NTM: variants seen among roughly 807,000 people sequenced by gnomAD.
The protein encoded by NTM is IgLON family member 2.
NTM carries 13 observed loss-of-function variants against 42.1 expected under a neutral mutation model. The ratio of observed to expected loss-of-function variants is 0.31; its 90% CI spans 0.20 to 0.49. The LOEUF (loss-of-function observed/expected upper bound fraction) is 0.49. NTM is among the 20% of genes least tolerant of loss of function. The pLI is 0.99. For missense variants in NTM, 373 were observed against 452.8 expected (o/e 0.82, Z 1.60); for synonymous variants, 187 against 179.2 (o/e 1.04, Z -0.35).
intron 1 of NTM, among the ~76,000 whole-genome samples, chr11:131,892,676 C>A (rs1228095666): frequency 1.3e-5 from 2 of 152,230 alleles, no homozygotes; most frequent in Non-Finnish European, 2.9e-5. Context: ...GACGCTGCTG[C>A]CTCCAAGCTC....
chr11:131,824,009 T>C (rs2093294818), intron 1 of NTM, among the ~76,000 whole-genome samples: 1 of 152,182 alleles, frequency 6.6e-6, no homozygotes, highest in South Asian at 2.1e-4. Context: ...TCCCCTGGGT[T>C]ACAAACATCT....
intron 1 of NTM, among the ~76,000 whole-genome samples, chr11:131,430,036 T>C (rs1462663037): frequency 1.3e-5 from 2 of 152,192 alleles, no homozygotes; most frequent in Non-Finnish European, 2.9e-5. Context: ...CCAAAGCTAT[T>C]TGCTGGCCTT....
chr11:131,661,460 G>GC (rs1178778904), intron 1 of NTM, among the ~76,000 whole-genome samples: 6 of 152,196 alleles, frequency 3.9e-5, no homozygotes, highest in African/African-American at 1.4e-4. Context: ...CAGAAAGGAG[G>GC]TTTGTGGGAA....
chr11:131,935,673 G>A (rs899790403), intron 2 of NTM, among the ~76,000 whole-genome samples: 2 of 152,148 alleles, frequency 1.3e-5, no homozygotes, highest in African/African-American at 2.4e-5. Context: ...CTTACTGCAA[G>A]GGCCAGGTAC....
At chr11:131,470,484 T>C (rs2136173711) in intron 1 of NTM, among the ~76,000 whole-genome samples, 1 of 152,330 alleles carries the variant, frequency 6.6e-6, no homozygotes, top group South Asian at 2.1e-4. Context: ...TAATCTTGTC[T>C]CCTCTAGACC....
At position 132,209,395 on chromosome 11, in the gene NTM, GTGTGTA is replaced by G. The variant is rs560328993; in HGVS notation, c.401-2615_401-2610del. On this transcript the variant is annotated intron_variant, in intron 3 of 8. Transcript: ENST00000683400. ...CAAATGCTTATGGGAGTGCAATTGAGTGTGTATGTGTATGTGTGTGTGTGTGCATGC... is the reference window on the plus strand; with the variant it reads ...CAAATGCTTATGGGAGTGCAATTGAGTGTGTATGTGTGTGTGTGTGCATGC... 2.5e-3 allele frequency among the ~76,000 whole-genome samples: 377 copies of G among 152,190 alleles called. 3 individuals carry two copies. The highest frequency in any genetic ancestry group is 8.6e-3 in the African/African-American group (355 of 41,514).
At chr11:132,071,395 T>C (rs1455871280) in intron 2 of NTM, among the ~76,000 whole-genome samples, 1 of 151,920 alleles carries the variant, frequency 6.6e-6, no homozygotes, top group Non-Finnish European at 1.5e-5. Flanking sequence ...AGTTAACACG[T>C]CACACAGCCA....
chr11:131,830,545 T>A (rs1394931515), intron 1 of NTM, among the ~76,000 whole-genome samples: 1 of 150,788 alleles, frequency 6.6e-6, no homozygotes, highest in Non-Finnish European at 1.5e-5. Context: ...TTTGTACCAG[T>A]GCCATGCTGT....
At position 132,221,765 on chromosome 11, in the gene NTM, T is replaced by G. The variant is rs572136961; in HGVS notation, c.526+9618T>G. Reference sequence around the variant, plus strand: ...TACTTAATTCTCATGGAGGTCCTAATAAGTAGGCATTATTTTTATTTTAGA... The same window carrying G: ...TACTTAATTCTCATGGAGGTCCTAAGAAGTAGGCATTATTTTTATTTTAGA... On this transcript the variant is annotated intron_variant, in intron 4 of 8. Transcript: ENST00000683400. Among the ~76,000 whole-genome samples the G allele has an allele frequency of 1.2e-4, 18 of 152,320 alleles. 1 individual carries two copies. In the South Asian group the frequency reaches 3.7e-3, roughly 32 times the overall value.
intron 1 of NTM, among the ~76,000 whole-genome samples, chr11:131,492,466 T>G (rs527635812): frequency 6.6e-6 from 1 of 152,278 alleles, no homozygotes; most frequent in South Asian, 2.1e-4. Flanking sequence ...AAAAAGGCAT[T>G]GTTATTATCC....
rs1275182372 is a variant in NTM at position 131,831,226 on chromosome 11, C to T, written c.83-80338C>T. Among the ~76,000 whole-genome samples, 4 of 152,052 alleles carry T rather than the reference C, an allele frequency of 2.6e-5. No individual in the cohort carries two copies. The East Asian group carries it at 7.7e-4, about 29-fold the overall frequency. ...TCACTTTTAAAATTAATAATAGTAG[C>T]TTCCTAAACATTGGAAGGCTCCTTT... On this transcript the variant is annotated intron_variant, in intron 1 of 8. Transcript: ENST00000683400.
intron 1 of NTM, among the ~76,000 whole-genome samples, chr11:131,749,650 G>A (rs1168631063): frequency 6.6e-6 from 1 of 152,154 alleles, no homozygotes; most frequent in Non-Finnish European, 1.5e-5. Flanking sequence ...CCAGGCTGGA[G>A]TGCAATGGCA....
chr11:132,169,320 C>CTTTTTT (rs567723794), intron 3 of NTM, among the ~76,000 whole-genome samples: 4,996 of 32,462 alleles, frequency 0.15, 1,796 homozygotes, highest in Middle Eastern at 0.25. Context: ...AATTTTTTTA[C>CTTTTTT]TTTTTTTTTT....
chr11:131,788,616 A>G (rs2136078323), intron 1 of NTM, among the ~76,000 whole-genome samples: 1 of 152,268 alleles, frequency 6.6e-6, no homozygotes, highest in East Asian at 1.9e-4. Context: ...CTTCCTCACC[A>G]AGACTGACTT....
intron 1 of NTM, among the ~76,000 whole-genome samples, chr11:131,623,717 G>A (rs2137682970): frequency 6.6e-6 from 1 of 152,330 alleles, no homozygotes; most frequent in East Asian, 1.9e-4. Flanking sequence ...GTCCCCCTCT[G>A]GGCCAGGCCC....
At position 131,665,654 on chromosome 11, in the gene NTM, C is replaced by A. The variant is rs1250063101; in HGVS notation, c.83-245910C>A. Among the ~76,000 whole-genome samples, 3 of 152,330 alleles carry A rather than the reference C, an allele frequency of 2.0e-5. No homozygotes were observed. In the East Asian group the frequency reaches 5.8e-4, roughly 29 times the overall value. On this transcript the variant is annotated intron_variant, in intron 1 of 8. Coordinates refer to ENST00000683400, the MANE Select transcript of NTM (RefSeq NM_001352005.2). ...CTGCAGAGTGTGAGGAAATAAATTT[C>A]TGTTGTCTAAGCTACCCAGTCTATG...
At chr11:131,968,538 C>G (rs1372807486) in intron 2 of NTM, among the ~76,000 whole-genome samples, 1 of 152,118 alleles carries the variant, frequency 6.6e-6, no homozygotes, top group Admixed American at 6.6e-5. Flanking sequence ...CAAAGGGATG[C>G]CCATTTCTGT....
rs114302347 is a variant in NTM, at chr11:132,259,842, C to A, written c.526+47695C>A. On this transcript the variant is annotated intron_variant, in intron 4 of 8. Transcript: ENST00000683400. ...TTGGCTCACTGCAAACTCCGCCTCC[C>A]AGATCAAGCAATTCTCCTGCCTCAG... is the stretch of plus-strand genomic sequence containing the variant. 5.7e-3 allele frequency among the ~76,000 whole-genome samples: 864 copies of A among 151,960 alleles called. 13 individuals are homozygous for A. Among genetic ancestry groups the A allele is most frequent in the African/African-American group, 0.02 (828 of 41,478 alleles).
intron 1 of NTM, among the ~76,000 whole-genome samples, chr11:131,431,888 C>G (rs1565493967): frequency 6.6e-6 from 1 of 152,154 alleles, no homozygotes; most frequent in Non-Finnish European, 1.5e-5. Context: ...CTACCCCTCC[C>G]CATCAGACAC....
Sources: allele counts gnomAD v4.1 joint callset (sites outside exome capture counted in the v4.1 genomes callset), GRCh38; gene constraint gnomAD v4.1.1; transcripts MANE v1.5; gene names NCBI Gene and HGNC (gene_info 2026-07-23, HGNC 2026-07-21).